The following RPRD1B variants were observed in gnomAD, a reference collection of about 807,000 sequenced individuals.
The protein encoded by RPRD1B is regulation of nuclear pre-mRNA domain containing 1B, also known as regulation of nuclear pre-mRNA domain-containing protein 1B.
A neutral mutation model predicts 41.5 loss-of-function variants in RPRD1B; 11 were observed. That is an observed-to-expected ratio of 0.27 (90% CI 0.17 to 0.44). RPRD1B has a LOEUF of 0.44. Among genes scored for constraint, RPRD1B ranks in the 20% least tolerant of loss-of-function variants. The pLI is 1.00. For synonymous variants in RPRD1B, 158 were observed against 155.6 expected (o/e 1.02, Z -0.12); for missense variants, 248 against 389.9 (o/e 0.64, Z 3.06).
chr20:38,055,876 G>T (rs886895167), intron 3 of RPRD1B, among the ~76,000 whole-genome samples: 4 of 152,098 alleles, frequency 2.6e-5, no homozygotes, highest in Non-Finnish European at 5.9e-5. Flanking sequence ...TCATGATTTG[G>T]GGGCTGAAGT....
At chr20:38,052,160 A>G (rs1346354961) in intron 3 of RPRD1B, among the ~76,000 whole-genome samples, 2 of 152,210 alleles carry the variant, frequency 1.3e-5, no homozygotes, top group African/African-American at 4.8e-5. Context: ...CTTCTAGGAT[A>G]GTGATGAGGA....
chr20:38,058,928 G>T (rs1266367999), intron 4 of RPRD1B, among the ~76,000 whole-genome samples: 1 of 151,938 alleles, frequency 6.6e-6, no homozygotes, highest in Non-Finnish European at 1.5e-5. Flanking sequence ...TGTCCAGGCT[G>T]GTCTCGAACT....
chr20:38,049,855 G>C (rs2074166194), intron 3 of RPRD1B: 1 of 470,188 alleles, frequency 2.1e-6, no homozygotes, highest in African/African-American at 2.0e-5. Flanking sequence ...GAACTAGCCT[G>C]TTTTTCCAGA....
chr20:38,052,704 TTGCGATCAATTAGTTGTAAACACTGCTGC>T (rs1373730895), intron 3 of RPRD1B, among the ~76,000 whole-genome samples: 6 of 151,500 alleles, frequency 4.0e-5, no homozygotes, highest in Admixed American at 3.3e-4. Flanking sequence ...CTGTAACTGA[TTGCGATCAATTAGTTGTAAACACTGCTGC>T]ACTCGGACCA....
chr20:38,087,718 A>G (rs1244519202), intron 6 of RPRD1B, among the ~76,000 whole-genome samples: 1 of 152,224 alleles, frequency 6.6e-6, no homozygotes, highest in Non-Finnish European at 1.5e-5. Flanking sequence ...CAAAGAAGAA[A>G]AGTACTTGTG....
chr20:38,074,125 C>T (rs753659496), intron 6 of RPRD1B, among the ~76,000 whole-genome samples: 2 of 152,210 alleles, frequency 1.3e-5, no homozygotes, highest in Non-Finnish European at 2.9e-5. Context: ...CCTTTCCATC[C>T]CCTACTTTGA....
chr20:38,049,553 A>G (rs1434148704), intron 3 of RPRD1B, among the ~76,000 whole-genome samples: 1 of 150,802 alleles, frequency 6.6e-6, no homozygotes. Flanking sequence ...TATTTTTGGT[A>G]GAGACAGGGT....
intron 6 of RPRD1B, among the ~76,000 whole-genome samples, chr20:38,076,514 T>G (rs540962521): frequency 4.1e-4 from 62 of 152,330 alleles, no homozygotes; most frequent in Admixed American, 2.1e-3. Flanking sequence ...CACATTCACA[T>G]GAGCATACCC....
intron 6 of RPRD1B, among the ~76,000 whole-genome samples, chr20:38,079,151 G>A (rs192110749): frequency 3.3e-5 from 5 of 152,040 alleles, no homozygotes; most frequent in Admixed American, 2.0e-4. Flanking sequence ...TGCCATAGGC[G>A]TTGTTTTCAT....
intron 6 of RPRD1B, chr20:38,070,747 T>TTTTTA: frequency 1.0e-6 from 1 of 982,910 alleles, no homozygotes; most frequent in Non-Finnish European, 1.2e-6. Flanking sequence ...GATTTTTTTT[T>TTTTTA]TTTTTTTTTT....
intron 6 of RPRD1B, chr20:38,070,630 A>T: frequency 2.0e-6 from 2 of 985,452 alleles, no homozygotes; most frequent in Non-Finnish European, 2.4e-6. Context: ...TTCTGTTAGC[A>T]TGATCAGTGC....
At chr20:38,051,155 A>T (rs2074181015) in intron 3 of RPRD1B, among the ~76,000 whole-genome samples, 1 of 152,234 alleles carries the variant, frequency 6.6e-6, no homozygotes, top group Non-Finnish European at 1.5e-5. Context: ...TAAGTTTATA[A>T]ACCTGTCTCT....
intron 3 of RPRD1B, among the ~76,000 whole-genome samples, chr20:38,052,889 A>G (rs1346231806): frequency 6.7e-6 from 1 of 150,006 alleles, no homozygotes; most frequent in African/African-American, 2.5e-5. Flanking sequence ...TTGCCTTAAG[A>G]TTAGTTTCAC....
rs573223733 is a variant in RPRD1B at position 38,059,645 on chromosome 20, A to T, written c.655+125A>T. ...TCCATGTTGTATTGGTTGCTCTACC[A>T]TCTTGGGATTTGCAAACATAACTCA... On this transcript the variant is annotated intron_variant, in intron 5 of 6. Transcript: ENST00000373433. 8.9e-6 allele frequency: 8 copies of T among 901,610 alleles called. No individual in the cohort carries two copies. The East Asian group carries it at 2.4e-4, about 27-fold the overall frequency. 55.9% of individuals were successfully genotyped at this position (901,610 alleles called of 1,614,324 possible).
intron 6 of RPRD1B, among the ~76,000 whole-genome samples, chr20:38,071,366 A>G (rs1156752747): frequency 6.6e-6 from 1 of 152,220 alleles, no homozygotes; most frequent in Non-Finnish European, 1.5e-5. Flanking sequence ...GTTGTAGCAT[A>G]TATCAGTACT....
At chr20:38,076,957 C>G (rs1452522353) in intron 6 of RPRD1B, among the ~76,000 whole-genome samples, 2 of 116,932 alleles carry the variant, frequency 1.7e-5, no homozygotes, top group East Asian at 5.7e-4. Flanking sequence ...CTCGCTGTTG[C>G]CCAGGCTGTA....
At position 38,033,965 on chromosome 20, in the gene RPRD1B, G is replaced by C; in HGVS notation, c.18G>C (p.Glu6Asp). 4.3e-6 allele frequency: 7 copies of C among 1,612,512 alleles called. No homozygotes were observed. The highest frequency in any genetic ancestry group is 5.1e-6 in the Non-Finnish European group (6 of 1,179,062). ...CCGCCACCATGTCCTCCTTCTCTGA[G>C]TCGGCGCTGGAGAAGAAGCTCTCGG... MSSFS[E>D]SALEKKLSEL... The change falls in exon 1 of 7, where the codon GAG becomes GAC. Residue 6 changes from glutamate to aspartate, a missense_variant. Physicochemically the swap from Glu to Asp is conservative, Grantham distance 45. This residue lies in a region of RPRD1B where 14 missense variants were observed against 19.9 expected (regional missense o/e 0.70). Transcript: ENST00000373433.
intron 5 of RPRD1B, among the ~76,000 whole-genome samples, chr20:38,064,423 G>A (rs2074331816): frequency 6.6e-6 from 1 of 152,192 alleles, no homozygotes; most frequent in Non-Finnish European, 1.5e-5. Context: ...ACCTCTGACA[G>A]CCTGTATCCA....
At chr20:38,041,731 C>T (rs2074068180) in intron 2 of RPRD1B, among the ~76,000 whole-genome samples, 1 of 152,160 alleles carries the variant, frequency 6.6e-6, no homozygotes, top group Non-Finnish European at 1.5e-5. Flanking sequence ...GGATGTGTTA[C>T]TTAACTTTTT....
Sources: allele counts gnomAD v4.1 joint callset (sites outside exome capture counted in the v4.1 genomes callset), GRCh38; gene constraint gnomAD v4.1.1; regional missense constraint gnomAD v4.1.1; transcripts MANE v1.5; gene names NCBI Gene and HGNC (gene_info 2026-07-23, HGNC 2026-07-21).